The following LAMA5 variants were observed in gnomAD, a reference collection of about 807,000 sequenced individuals.
LAMA5 encodes the protein laminin subunit alpha 5, also known as laminin subunit alpha-5.
A neutral mutation model predicts 433.4 loss-of-function variants in LAMA5; 260 were observed. The ratio of observed to expected loss-of-function variants is 0.60; its 90% confidence interval spans 0.54 to 0.66. LAMA5 has a LOEUF of 0.66. Ranked by LOEUF, LAMA5 falls within the 30% of genes least tolerant of loss-of-function variation. The probability of loss-of-function intolerance (pLI) is 0.00; values close to 1 mark genes in which losing one functional copy is unlikely to be tolerated. For missense variants in LAMA5, 5,378 were observed against 5,258.5 expected, an observed-to-expected ratio of 1.02 and a Z score of -0.70; for synonymous variants, 2,620 against 2,226.6, an observed-to-expected ratio of 1.18 and a Z score of -4.97.
At chr20:62,348,724 G>C (rs1337095977) in intron 6 of LAMA5, among the ~76,000 whole-genome samples, 1 of 152,132 alleles carries the variant, frequency 6.6e-6, no homozygotes, top group Non-Finnish European at 1.5e-5. Flanking sequence ...AATGAAAAAT[G>C]AAACTATAAA....
chr20:62,322,566 T>A, intron 46 of LAMA5, 92 bp downstream of exon 46: 2 of 1,410,688 alleles, frequency 1.4e-6, no homozygotes, highest in Non-Finnish European at 1.9e-6. Flanking sequence ...CATCAAACAC[T>A]GCCCCTCAGC....
rs113604626 is a variant in LAMA5 at position 62,318,450 on chromosome 20, T to C, written c.7239+4A>G. ...AGGAGGAAGAACAAGTCCGGGGTCC[T>C]CACCAGGGCTTCCTCCAGGCGCTCC... On this transcript the variant is annotated splice_donor_region_variant and intron_variant, in intron 53 of 79. Coordinates refer to ENST00000252999, the MANE Select transcript of LAMA5 (RefSeq NM_005560.6). 3.8e-6 allele frequency: 6 copies of C among 1,595,098 alleles called. No homozygotes were observed. Among genetic ancestry groups the C allele is most frequent in the Non-Finnish European group, 5.1e-6 (6 of 1,174,428 alleles).
chr20:62,338,456 G>A lies in LAMA5; in HGVS notation c.1618+12C>T. ...AGCGCAGGTAGAGGTTGAGCGGGGA[G>A]AGGGGACTCACGCTGGCAGCCGGGG... On this transcript the variant is annotated intron_variant, in intron 12 of 79. Transcript: ENST00000252999. 6.2e-7 allele frequency: 1 copy of A among 1,608,110 alleles called. No homozygotes were observed. Among genetic ancestry groups the A allele is most frequent in the Non-Finnish European group, 8.5e-7 (1 of 1,178,258 alleles).
At chr20:62,321,619 G>GGGGTCAGTGAAGGGGTC in intron 48 of LAMA5, among the ~76,000 whole-genome samples, 1 of 113,096 alleles carries the variant, frequency 8.8e-6, no homozygotes, top group South Asian at 3.2e-4. Context: ...GTGAAGGGGT[G>GGGGTCAGTGAAGGGGTC]GGGCCAGCGG....
chr20:62,314,772 C>CCA, intron 60 of LAMA5, 27 bp downstream of exon 60: 4 of 1,612,834 alleles, frequency 2.5e-6, no homozygotes, highest in Non-Finnish European at 3.4e-6. Context: ...TCCCTGATGT[C>CCA]CACCTTCCCC....
Position 62,328,895 on chromosome 20 carries a change from G to A in LAMA5, c.4396C>T (p.Arg1466Cys). 2.5e-6 allele frequency: 4 copies of A among 1,611,912 alleles called. No homozygotes were observed. Among genetic ancestry groups the A allele is most frequent in the Non-Finnish European group, 2.5e-6 (3 of 1,179,460 alleles). Reference sequence around the variant, plus strand: ...CCGGTGGCACAGCGGGAGCAGTCACGGCCAATGACATGGGCATGGCAGGGA... The same window carrying A: ...CCGGTGGCACAGCGGGAGCAGTCACAGCCAATGACATGGGCATGGCAGGGA... ...QCPCHAHVIG[R>C]DCSRCATGYW... is the part of the protein sequence containing the mutation. Residue 1466 changes from arginine (R) to cysteine (C), a missense_variant, in exon 34 of 80, where the codon CGT becomes TGT. Coordinates refer to ENST00000252999, the MANE Select transcript of LAMA5 (RefSeq NM_005560.6).
At chr20:62,336,190 G>A (rs191502549) in intron 18 of LAMA5, 150 bp downstream of exon 18, 3 of 579,380 alleles carry the variant, frequency 5.2e-6, no homozygotes, top group Middle Eastern at 3.2e-4. Context: ...CAATCCCCGA[G>A]GAACCCCATA....
rs765348238 is a variant in LAMA5 at position 62,333,941 on chromosome 20, G to C, written c.2838C>G (p.Val946=). The C allele has an allele frequency of 3.7e-6, 6 of 1,612,010 alleles. No homozygotes were observed. The East Asian group carries it at 1.3e-4, about 36-fold the overall frequency. ...NRGAMSVSGR[V]SVREEGRSAT... The stretch of plus-strand genomic sequence containing the variant: ...CCGACCTGCCCTCCTCTCGCACAGA[G>C]ACCCGCCCGCTCACACTCATGGCCC... The change falls in exon 23 of 80, where the codon GTC becomes GTG. Residue 946 remains valine, a synonymous_variant. Transcript: ENST00000252999.
rs751237218 is a variant in LAMA5, at chr20:62,314,621, C to T, written c.8301G>A (p.Gln2767=). The T allele has an allele frequency of 3.7e-6, 6 of 1,612,474 alleles. No homozygotes were observed. In the Admixed American group the frequency reaches 5.0e-5, roughly 13 times the overall value. ...CCTGCCCAGGCTCAGGCTCTGGGCCCTGCAGGTAGAACTTGAGGGCAGTGT... is the reference window on the plus strand; with the variant it reads ...CCTGCCCAGGCTCAGGCTCTGGGCCTTGCAGGTAGAACTTGAGGGCAGTGT... ...AAYTALKFYL[Q]GPEPEPGQGT... is the part of the protein sequence containing the mutation. The change falls in exon 61 of 80, where the codon CAG becomes CAA. Residue 2767 remains glutamine, a synonymous_variant. Transcript: ENST00000252999.
rs368295647 is a variant in LAMA5 at position 62,337,832 on chromosome 20, G to A, written c.1998C>T (p.Pro666=). 4.7e-5 allele frequency: 75 copies of A among 1,612,758 alleles called. 1 individual carries two copies. The highest frequency in any genetic ancestry group is 2.9e-4 in the East Asian group (13 of 44,888). Residue 666 remains proline, a synonymous_variant, in exon 15 of 80, where the codon CCC becomes CCT. Transcript: ENST00000252999. ...CACAGCTGGGGAAGCCGTGAAAGCC[G>A]GGGCTGCATTCCTGGCAGGCAGTGC... ...YTGTACQECS[P]GFHGFPSCVP... is the part of the protein sequence containing the mutation.
At chr20:62,362,911 C>G (rs573871576) in intron 1 of LAMA5, among the ~76,000 whole-genome samples, 1 of 151,462 alleles carries the variant, frequency 6.6e-6, no homozygotes, top group Non-Finnish European at 1.5e-5. Flanking sequence ...GCCAGTGCAA[C>G]GAGCCCTGGG....
chr20:62,352,667 G>A (rs564572150), intron 3 of LAMA5, among the ~76,000 whole-genome samples: 1 of 152,156 alleles, frequency 6.6e-6, no homozygotes, highest in Admixed American at 6.5e-5. Flanking sequence ...CTCAGGCCAG[G>A]GAATTTTGGG....
In LAMA5 at chr20:62,329,226, C is replaced by T. The variant is rs202031005; in HGVS notation, c.4147G>A (p.Val1383Ile). The T allele has an allele frequency of 8.6e-5, 139 of 1,612,678 alleles. No homozygotes were observed. The highest frequency in any genetic ancestry group is 8.3e-4 in the Middle Eastern group (5 of 6,060). The stretch of plus-strand genomic sequence containing the variant: ...TCCCGGAGGTAGCCAAAGCTGTAGA[C>T]GTTCTCAGGGACCACGAGTACATAA... ...LDYVLVVPENVYSFGYLREEP... is the reference protein window; with the variant it reads ...LDYVLVVPENIYSFGYLREEP... The change falls in exon 33 of 80, where the codon GTC (valine) becomes ATC (isoleucine). Residue 1383 changes from valine to isoleucine, a missense_variant. By Grantham distance (29) the Val-to-Ile change is conservative (BLOSUM62 3). Coordinates refer to ENST00000252999, the MANE Select transcript of LAMA5 (RefSeq NM_005560.6).
At chr20:62,334,736 G>T (rs1981218502) in intron 20 of LAMA5, 115 bp from the exon 21 acceptor site, 2 of 664,606 alleles carry the variant, frequency 3.0e-6, no homozygotes, top group African/African-American at 5.2e-5. Context: ...GAGAGTCAGG[G>T]CTCAGGGCTC....
intron 1 of LAMA5, among the ~76,000 whole-genome samples, chr20:62,362,846 G>A (rs1986295696): frequency 7.1e-6 from 1 of 139,916 alleles, no homozygotes; most frequent in Non-Finnish European, 1.6e-5. Flanking sequence ...CTCTAGCGGG[G>A]TGGCGTCTGA....
intron 11 of LAMA5, among the ~76,000 whole-genome samples, chr20:62,343,003 G>A (rs1020121471): frequency 2.0e-5 from 3 of 152,236 alleles, no homozygotes; most frequent in East Asian, 1.9e-4. Context: ...GCCCAGTAGC[G>A]AAAAGATAAA....
Position 62,318,642 on chromosome 20 carries a change from G to A in LAMA5, c.7051C>T (p.Arg2351Trp), listed in dbSNP as rs746829414. The change falls in exon 53 of 80, where the codon CGG (arginine) becomes TGG (tryptophan). Residue 2351 changes from arginine (R) to tryptophan (W), a missense_variant. By Grantham distance (101) the Arg-to-Trp change is moderately radical. Coordinates refer to ENST00000252999, the MANE Select transcript of LAMA5 (RefSeq NM_005560.6). Reference sequence around the variant, plus strand: ...AGGCTGCTCAGCTGCTCCTGCACCCGGGCCAGCACTAGCCGAGACCAGGGT... The same window carrying A: ...AGGCTGCTCAGCTGCTCCTGCACCCAGGCCAGCACTAGCCGAGACCAGGGT... ...ELAAAQRLLARVQEQLSSLWE... is the reference protein window; with the variant it reads ...ELAAAQRLLAWVQEQLSSLWE... 3.0e-5 allele frequency: 48 copies of A among 1,609,870 alleles called. No homozygotes were observed. Among genetic ancestry groups the A allele is most frequent in the Middle Eastern group, 3.3e-4 (2 of 6,066 alleles).
In LAMA5 at chr20:62,334,176, C is replaced by G. The variant is rs748125760; in HGVS notation, c.2739+10G>C. ...TAGGCTGAGCCTGGGAGGGGGAGCACAGCGCCCACCTGGACAGGTGCCATC... is the reference window on the plus strand; with the variant it reads ...TAGGCTGAGCCTGGGAGGGGGAGCAGAGCGCCCACCTGGACAGGTGCCATC... On this transcript the variant is annotated intron_variant, in intron 22 of 79. Coordinates refer to ENST00000252999, the MANE Select transcript of LAMA5 (RefSeq NM_005560.6). The G allele has an allele frequency of 1.9e-6, 3 of 1,609,716 alleles. No homozygotes were observed. Among genetic ancestry groups the G allele is most frequent in the Non-Finnish European group, 2.5e-6 (3 of 1,177,742 alleles).
At chr20:62,327,780 C>G in intron 36 of LAMA5, 86 bp downstream of exon 36, 2 of 1,571,776 alleles carry the variant, frequency 1.3e-6, no homozygotes, top group Non-Finnish European at 1.7e-6. Context: ...TCTAGGAAGC[C>G]CCAGCTGCCC....
Sources: gnomAD v4.1 joint callset for allele counts (sites outside exome capture counted in the v4.1 genomes callset) on GRCh38, gnomAD v4.1.1 for gene constraint, MANE v1.5 for transcripts, NCBI Gene and HGNC (gene_info 2026-07-23, HGNC 2026-07-21) for gene names.